ZCCHC7: variants seen among roughly 807,000 people sequenced by gnomAD.
ZCCHC7 encodes zinc finger CCHC-type containing 7.
Under a neutral mutation model 52.0 loss-of-function variants are expected in ZCCHC7, and 35 were observed. That is an observed-to-expected ratio of 0.67 (90% CI 0.51 to 0.89). The LOEUF is 0.89. Ranked by LOEUF, ZCCHC7 falls within the 40% of genes least tolerant of loss-of-function variation. The pLI, the probability that ZCCHC7 is intolerant of heterozygous loss-of-function variation, is 0.00. For missense variants in ZCCHC7, 574 were observed against 649.1 expected (o/e 0.88, Z 1.26); for synonymous variants, 217 against 221.5 (o/e 0.98, Z 0.18).
At chr9:37,173,472 A>C (rs936879685) in intron 2 of ZCCHC7, among the ~76,000 whole-genome samples, 4 of 152,246 alleles carry the variant, frequency 2.6e-5, no homozygotes, top group African/African-American at 9.6e-5. Context: ...CAAAGGACTC[A>C]CCGTAGAATT....
At chr9:37,242,531 A>AT (rs1305296083) in intron 2 of ZCCHC7, among the ~76,000 whole-genome samples, 3 of 151,840 alleles carry the variant, frequency 2.0e-5, no homozygotes, top group Admixed American at 2.0e-4. Flanking sequence ...TATTTGAACT[A>AT]TTAATGCTAT....
At chr9:37,155,078 G>A (rs937321062) in intron 2 of ZCCHC7, among the ~76,000 whole-genome samples, 4 of 152,198 alleles carry the variant, frequency 2.6e-5, no homozygotes, top group East Asian at 1.9e-4. Context: ...TAAAGATGGC[G>A]GGCGGGGTGT....
chr9:37,264,008 C>T (rs576281103), intron 2 of ZCCHC7, among the ~76,000 whole-genome samples: 1 of 152,292 alleles, frequency 6.6e-6, no homozygotes, highest in Non-Finnish European at 1.5e-5. Context: ...TAAACGAGTG[C>T]CCAAGAGTCT....
At position 37,278,034 on chromosome 9, in the gene ZCCHC7, G is replaced by GTGTGTTTTGTTT. The variant is rs74182939; in HGVS notation, c.611-24151_611-24150insGTTTTGTTTTGT. Among the ~76,000 whole-genome samples the GTGTGTTTTGTTT allele has an allele frequency of 7.9e-3, 1,136 of 142,940 alleles. 8 individuals are homozygous for GTGTGTTTTGTTT. Among genetic ancestry groups the GTGTGTTTTGTTT allele is most frequent in the African/African-American group, 0.013 (494 of 38,500 alleles). 93.8% of individuals were successfully genotyped at this position (142,940 alleles called of 152,430 possible). A position where few individuals can be genotyped will look rare whatever the true frequency, so the allele number is the denominator to read the frequency against. Reference sequence around the variant, plus strand: ...TTTGTTTGTGTGTGTGTGTGTGTGTGTGTTTTGTTTTGTTTTGTTTTGTTT... The same window carrying GTGTGTTTTGTTT: ...TTTGTTTGTGTGTGTGTGTGTGTGTGTGTGTTTTGTTTTGTTTTGTTTTGTTTTGTTTTGTTT... On this transcript the variant is annotated intron_variant, in intron 2 of 8. Coordinates refer to ENST00000336755, the MANE Select transcript of ZCCHC7 (RefSeq NM_032226.3).
chr9:37,327,402 T>A (rs560531460), intron 5 of ZCCHC7: 1 of 167,328 alleles, frequency 6.0e-6, no homozygotes, highest in East Asian at 1.6e-4. Flanking sequence ...AAGCAGTTAC[T>A]ATTAAATTGT....
intron 2 of ZCCHC7, among the ~76,000 whole-genome samples, chr9:37,166,124 G>C (rs145936794): frequency 0.053 from 7,528 of 141,394 alleles, 542 homozygotes; most frequent in African/African-American, 0.18. Context: ...CGGCTGGGTG[G>C]GGTGGCTCAC....
Position 37,220,267 on chromosome 9 carries a change from G to C in ZCCHC7, c.611-81921G>C, listed in dbSNP as rs527794194. Among the ~76,000 whole-genome samples, 5 of 152,226 alleles carry C rather than the reference G, an allele frequency of 3.3e-5. No homozygotes were observed. The East Asian group carries it at 9.7e-4, about 29-fold the overall frequency. Reference sequence around the variant, plus strand: ...CAAAATGGAAGGGCATCGGCCAGGCGTGGTGGCTCATGCCTGTAATCCCAG... The same window carrying C: ...CAAAATGGAAGGGCATCGGCCAGGCCTGGTGGCTCATGCCTGTAATCCCAG... On this transcript the variant is annotated intron_variant, in intron 2 of 8. Coordinates refer to ENST00000336755, the MANE Select transcript of ZCCHC7 (RefSeq NM_032226.3).
chr9:37,334,624 A>G (rs980339869), intron 6 of ZCCHC7, among the ~76,000 whole-genome samples: 8 of 152,022 alleles, frequency 5.3e-5, no homozygotes, highest in African/African-American at 1.7e-4. Flanking sequence ...CTTAAAATTT[A>G]TCAGTCATTT....
chr9:37,198,390 A>G (rs2133142265), intron 2 of ZCCHC7, among the ~76,000 whole-genome samples: 1 of 152,330 alleles, frequency 6.6e-6, no homozygotes, highest in Non-Finnish European at 1.5e-5. Flanking sequence ...TTAACATTTC[A>G]TATCAAACTC....
chr9:37,236,064 TAACTC>T (rs1825636726), intron 2 of ZCCHC7, among the ~76,000 whole-genome samples: 1 of 152,164 alleles, frequency 6.6e-6, no homozygotes, highest in Non-Finnish European at 1.5e-5. Flanking sequence ...TTTGGATAAA[TAACTC>T]AATGGGATTG....
chr9:37,352,511 CTTTT>C (rs869266535), intron 7 of ZCCHC7, among the ~76,000 whole-genome samples: 199 of 81,574 alleles, frequency 2.4e-3, no homozygotes, highest in African/African-American at 9.7e-3. Flanking sequence ...ACAATTTGCT[CTTTT>C]TTTTTTTTTT....
chr9:37,319,110 A>C (rs1261158268), intron 5 of ZCCHC7, among the ~76,000 whole-genome samples: 1 of 152,034 alleles, frequency 6.6e-6, no homozygotes, highest in East Asian at 1.9e-4. Flanking sequence ...TTGTAGTTTT[A>C]GTTTGCATTT....
chr9:37,172,144 A>C (rs1251340360), intron 2 of ZCCHC7, among the ~76,000 whole-genome samples: 1 of 152,240 alleles, frequency 6.6e-6, no homozygotes, highest in Non-Finnish European at 1.5e-5. Flanking sequence ...GGCAAAATTC[A>C]TAAGGGATTA....
At chr9:37,283,771 G>A (rs1272321341) in intron 2 of ZCCHC7, among the ~76,000 whole-genome samples, 1 of 151,986 alleles carries the variant, frequency 6.6e-6, no homozygotes, top group Non-Finnish European at 1.5e-5. Flanking sequence ...AGGACAGTTG[G>A]TTTGGTTTAG....
chr9:37,138,771 G>T (rs1353795552), intron 2 of ZCCHC7, among the ~76,000 whole-genome samples: 1 of 150,742 alleles, frequency 6.6e-6, no homozygotes, highest in Non-Finnish European at 1.5e-5. Flanking sequence ...TGTCAGAAGA[G>T]CTTGAATCCT....
chr9:37,252,613 A>G (rs1226621162), intron 2 of ZCCHC7, among the ~76,000 whole-genome samples: 4 of 152,204 alleles, frequency 2.6e-5, no homozygotes, highest in African/African-American at 9.6e-5. Flanking sequence ...GTAAAAGTGA[A>G]ATTTGAAGTG....
At chr9:37,249,476 T>TTA (rs1826220078) in intron 2 of ZCCHC7, among the ~76,000 whole-genome samples, 1 of 147,696 alleles carries the variant, frequency 6.8e-6, no homozygotes, top group South Asian at 2.1e-4. Context: ...TTTTTTTTTT[T>TTA]ATTTGTTGTT....
Position 37,357,249 on chromosome 9 carries a change from A to C in ZCCHC7, c.1613A>C (p.Gln538Pro), listed in dbSNP as rs752861719. The change falls in exon 9 of 9, where the codon CAG (glutamine) becomes CCG (proline). Residue 538 changes from glutamine to proline, a missense_variant. Transcript: ENST00000336755. Reference protein sequence around the residue: ...DDNDNLFLIKQRKKKS With the variant: ...DDNDNLFLIKPRKKKS The stretch of plus-strand genomic sequence containing the variant: ...AATGATAACTTATTTCTTATTAAGC[A>C]GAGAAAAAAAAAGTCTTAAGCCGTC... 1.8e-5 allele frequency: 29 copies of C among 1,594,746 alleles called. No individual in the cohort carries two copies. The highest frequency in any genetic ancestry group is 2.5e-5 in the Non-Finnish European group (29 of 1,174,644).
chr9:37,284,555 A>G (rs965237901), intron 2 of ZCCHC7, among the ~76,000 whole-genome samples: 1 of 151,898 alleles, frequency 6.6e-6, no homozygotes, highest in Non-Finnish European at 1.5e-5. Context: ...GACATATTAT[A>G]TGTATTGGAA....
Sources: gnomAD v4.1 joint callset for allele counts (sites outside exome capture counted in the v4.1 genomes callset) on GRCh38, gnomAD v4.1.1 for gene constraint, MANE v1.5 for transcripts, NCBI Gene and HGNC (gene_info 2026-07-23, HGNC 2026-07-21) for gene names.